GALNT10: variants seen among roughly 807,000 people sequenced by gnomAD.
GALNT10 encodes the protein GalNAc transferase 10.
GALNT10 carries 41 observed loss-of-function variants against 75.0 expected under a neutral mutation model. That is an observed-to-expected ratio of 0.55 (90% confidence interval 0.43 to 0.71). The LOEUF (loss-of-function observed/expected upper bound fraction) is 0.71. GALNT10 is among the 30% of genes least tolerant of loss of function. The probability of loss-of-function intolerance (pLI) is 0.00; values close to 1 mark genes in which losing one functional copy is unlikely to be tolerated. For missense variants in GALNT10, 727 were observed against 818.5 expected (o/e 0.89, Z 1.36); for synonymous variants, 302 against 313.0 (o/e 0.96, Z 0.37).
In GALNT10 at chr5:154,396,618, C is replaced by T. The variant is rs1385021180; in HGVS notation, c.1057-7486C>T. Among the ~76,000 whole-genome samples, 3 of 152,258 alleles carry T rather than the reference C, an allele frequency of 2.0e-5. No individual in the cohort carries two copies. The South Asian group carries it at 6.2e-4, about 32-fold the overall frequency. On this transcript the variant is annotated intron_variant, in intron 7 of 11. Transcript: ENST00000297107. ...ACCCTGGGGAAAGTGTTAATTAAACCTCGGTTTCCTCATGTGTAAAGGGTG... is the reference window on the plus strand; with the variant it reads ...ACCCTGGGGAAAGTGTTAATTAAACTTCGGTTTCCTCATGTGTAAAGGGTG...
chr5:154,198,399 G>A (rs974076637), intron 1 of GALNT10, among the ~76,000 whole-genome samples: 18 of 152,198 alleles, frequency 1.2e-4, no homozygotes, highest in Admixed American at 1.0e-3. Context: ...GAAGTGCCTC[G>A]CCTATGGCAG....
chr5:154,294,975 CTTGT>C (rs2113074843), intron 2 of GALNT10, 57 bp downstream of exon 2: 1 of 778,734 alleles, frequency 1.3e-6, no homozygotes, highest in Admixed American at 1.9e-5. Context: ...TGCACATATG[CTTGT>C]GTGTGTGTGT....
At chr5:154,235,582 A>C (rs770655646) in intron 1 of GALNT10, among the ~76,000 whole-genome samples, 1 of 152,206 alleles carries the variant, frequency 6.6e-6, no homozygotes, top group East Asian at 1.9e-4. Context: ...AATTGAGGAC[A>C]TGAGAAACCT....
In GALNT10 at chr5:154,416,665, G is replaced by A. The variant is rs1054829621; in HGVS notation, c.1654-149G>A. On this transcript the variant is annotated intron_variant, in intron 11 of 11. Transcript: ENST00000297107. This position sits in a 1 kb window ranked among gnomAD's most constrained non-coding sequence, Gnocchi z 4.5. The stretch of plus-strand genomic sequence containing the variant: ...TGCAAGGGAGGCTGGGCAGCATCCG[G>A]CTTGTGAGCTCAGGAGGAAAACCAA... 1 of 638,846 alleles carries A rather than the reference G, an allele frequency of 1.6e-6. No individual in the cohort carries two copies. Among genetic ancestry groups the A allele is most frequent in the Non-Finnish European group, 2.8e-6 (1 of 358,588 alleles). 39.6% of individuals were successfully genotyped at this position (638,846 alleles called of 1,614,324 possible).
chr5:154,255,316 G>T (rs1753590376), intron 1 of GALNT10, among the ~76,000 whole-genome samples: 1 of 152,068 alleles, frequency 6.6e-6, no homozygotes, highest in African/African-American at 2.4e-5. Context: ...GAAAGTCAGG[G>T]CCCTGCTGGC....
intron 1 of GALNT10, among the ~76,000 whole-genome samples, chr5:154,240,301 G>A (rs778700730): frequency 3.9e-5 from 6 of 152,152 alleles, no homozygotes; most frequent in Non-Finnish European, 8.8e-5. Context: ...ATAAAATGAC[G>A]ATAATAAAAC....
intron 1 of GALNT10, among the ~76,000 whole-genome samples, chr5:154,202,774 G>A (rs1775045522): frequency 6.6e-6 from 1 of 152,206 alleles, no homozygotes; most frequent in Non-Finnish European, 1.5e-5. Flanking sequence ...CCTCGGGGCG[G>A]TTGTCAGACA....
At chr5:154,283,970 C>T (rs948379193) in intron 1 of GALNT10, among the ~76,000 whole-genome samples, 1 of 152,182 alleles carries the variant, frequency 6.6e-6, no homozygotes, top group Admixed American at 6.5e-5. Context: ...CTGGGATCCA[C>T]AAGGAAGGAT....
intron 1 of GALNT10, among the ~76,000 whole-genome samples, chr5:154,266,766 T>A (rs1753780626): frequency 6.6e-6 from 1 of 152,092 alleles, no homozygotes; most frequent in Admixed American, 6.6e-5. Context: ...CCTGTAGTCC[T>A]AGCCACACAA....
intron 1 of GALNT10, among the ~76,000 whole-genome samples, chr5:154,210,664 T>C (rs370405026): frequency 2.0e-5 from 3 of 152,310 alleles, no homozygotes; most frequent in African/African-American, 7.2e-5. Flanking sequence ...TTCCCAGTGC[T>C]CTACGCAGTG....
At chr5:154,356,377 T>G (rs1755299023) in intron 4 of GALNT10, 2 of 351,664 alleles carry the variant, frequency 5.7e-6, no homozygotes, top group Non-Finnish European at 1.1e-5. Context: ...GGGCTGGGGG[T>G]TGGGTATGAG....
intron 7 of GALNT10, among the ~76,000 whole-genome samples, chr5:154,395,214 T>A (rs1351238019): frequency 6.6e-6 from 1 of 152,234 alleles, no homozygotes; most frequent in Non-Finnish European, 1.5e-5. Flanking sequence ...GGCCTAGAGC[T>A]AACCAAAGAG....
chr5:154,215,848 C>G (rs1211321167), intron 1 of GALNT10, among the ~76,000 whole-genome samples: 1 of 152,170 alleles, frequency 6.6e-6, no homozygotes, highest in Non-Finnish European at 1.5e-5. Flanking sequence ...AAGGCTTCAG[C>G]CCTGGGGCAG....
In GALNT10 at chr5:154,331,860, T is replaced by A. The variant is rs373845395; in HGVS notation, c.568+2122T>A. 4.6e-5 allele frequency among the ~76,000 whole-genome samples: 7 copies of A among 152,300 alleles called. No homozygotes were observed. The East Asian group carries it at 1.4e-3, about 29-fold the overall frequency. On this transcript the variant is annotated intron_variant, in intron 4 of 11. Coordinates refer to ENST00000297107, the MANE Select transcript of GALNT10 (RefSeq NM_198321.4). ...CTCTTTATAATAGCAGCCCCCATTT[T>A]GGGGAGAAGCTCAATATGCCAGGCC...
chr5:154,244,404 A>G (rs968253501), intron 1 of GALNT10, among the ~76,000 whole-genome samples: 6 of 152,084 alleles, frequency 3.9e-5, no homozygotes, highest in Non-Finnish European at 8.8e-5. Context: ...CTGTCTCTAA[A>G]AAATTTTTTT....
intron 1 of GALNT10, among the ~76,000 whole-genome samples, chr5:154,226,165 G>A (rs1753062124): frequency 1.3e-5 from 2 of 151,946 alleles, no homozygotes; most frequent in African/African-American, 4.8e-5. Context: ...AATTTAACAT[G>A]CATTCTTGAA....
At position 154,372,767 on chromosome 5, in the gene GALNT10, A is replaced by G. The variant is rs192432131; in HGVS notation, c.569-3510A>G. ...GGCAGCCCCTGGGGCAGAATGGCAG[A>G]TGCTGGCAGGTTGCAGGCAGGCAGG... On this transcript the variant is annotated intron_variant, in intron 4 of 11. Coordinates refer to ENST00000297107, the MANE Select transcript of GALNT10 (RefSeq NM_198321.4). Among the ~76,000 whole-genome samples, 10 of 152,246 alleles carry G rather than the reference A, an allele frequency of 6.6e-5. No individual in the cohort carries two copies. In the East Asian group the frequency reaches 1.7e-3, roughly 27 times the overall value.
chr5:154,378,462 G>A (rs1246702953), intron 5 of GALNT10, among the ~76,000 whole-genome samples: 3 of 152,194 alleles, frequency 2.0e-5, no homozygotes, highest in Non-Finnish European at 2.9e-5. Context: ...CGAGAAAACT[G>A]AGAGGCACAG....
chr5:154,191,431 T>TCCCCCCCCCCCCCCCC (rs1446489673), intron 1 of GALNT10, among the ~76,000 whole-genome samples: 2 of 55,082 alleles, frequency 3.6e-5, no homozygotes, highest in African/African-American at 1.5e-4. Flanking sequence ...GCTTCCCTCC[T>TCCCCCCCCCCCCCCCC]CCCACCCCCC....
Sources: gnomAD v4.1 joint callset for allele counts (sites outside exome capture counted in the v4.1 genomes callset) on GRCh38, gnomAD v4.1.1 for gene constraint, Gnocchi (gnomAD v3.1) non-coding constraint, MANE v1.5 for transcripts, NCBI Gene and HGNC (gene_info 2026-07-23, HGNC 2026-07-21) for gene names.